INVS: variants seen among roughly 807,000 people sequenced by gnomAD.
INVS encodes inversin.
INVS carries 86 observed loss-of-function variants against 108.8 expected under a neutral mutation model. That is an observed-to-expected ratio of 0.79 (90% CI 0.66 to 0.95). The LOEUF is 0.95. Among genes scored for constraint, INVS ranks in the 40% least tolerant of loss-of-function variants. INVS has a pLI of 0.00. For synonymous variants in INVS, 455 were observed against 473.5 expected (o/e 0.96, Z 0.51); for missense variants, 1,169 against 1,297.4 (o/e 0.90, Z 1.52).
At chr9:100,118,069 C>CTTTT (rs757283860) in intron 2 of INVS, among the ~76,000 whole-genome samples, 2 of 138,024 alleles carry the variant, frequency 1.4e-5, no homozygotes, top group South Asian at 4.6e-4. Context: ...CTTTTTTTTT[C>CTTTT]TTTTTTTTTT....
chr9:100,290,425 C>CGTTG (rs1365858515), intron 13 of INVS, among the ~76,000 whole-genome samples: 1 of 151,836 alleles, frequency 6.6e-6, no homozygotes, highest in Non-Finnish European at 1.5e-5. Flanking sequence ...TCTTGGCTCA[C>CGTTG]CGCAACCTCT....
At chr9:100,211,028 G>A (rs1830815458) in intron 3 of INVS, among the ~76,000 whole-genome samples, 2 of 151,998 alleles carry the variant, frequency 1.3e-5, no homozygotes, top group African/African-American at 2.4e-5. Context: ...GCTACAAAAT[G>A]CAGATTCTTG....
In INVS at chr9:100,292,979, A is replaced by T; in HGVS notation, c.2722A>T (p.Arg908Trp). The T allele has an allele frequency of 1.9e-6, 3 of 1,613,696 alleles. No homozygotes were observed. The highest frequency in any genetic ancestry group is 2.5e-6 in the Non-Finnish European group (3 of 1,179,596). Residue 908 changes from arginine to tryptophan, a missense_variant, in exon 14 of 17, where the codon AGG (arginine) becomes TGG (tryptophan). Arg to Trp is a moderately radical substitution (Grantham distance 101). Around this residue, in one of 3 missense-constraint regions of INVS, gnomAD observed 533 missense variants for 536.0 expected, o/e 0.99. Transcript: ENST00000262457. The stretch of plus-strand genomic sequence containing the variant: ...ACTGCAGATAATTCAGAGAGAACGA[A>T]GGAGGAAGGAGCTGTTTCGCAAAAA... ...LRLQIIQRER[R>W]RKELFRKKNK...
At chr9:100,154,741 A>G (rs760729930) in intron 3 of INVS, among the ~76,000 whole-genome samples, 1 of 151,974 alleles carries the variant, frequency 6.6e-6, no homozygotes, top group African/African-American at 2.4e-5. Flanking sequence ...GGAGAAAAAT[A>G]TTTTCTTATA....
At chr9:100,184,470 T>C (rs1355246669) in intron 3 of INVS, among the ~76,000 whole-genome samples, 3 of 152,208 alleles carry the variant, frequency 2.0e-5, no homozygotes, top group African/African-American at 4.8e-5. Flanking sequence ...TTCGTGTTGA[T>C]GACAAAGTCC....
At chr9:100,163,467 G>T (rs1440393117) in intron 3 of INVS, among the ~76,000 whole-genome samples, 1 of 151,992 alleles carries the variant, frequency 6.6e-6, no homozygotes, top group Non-Finnish European at 1.5e-5. Context: ...TATATATGTG[G>T]GATATAGCAG....
At chr9:100,122,828 C>T (rs1444923248) in intron 2 of INVS, among the ~76,000 whole-genome samples, 1 of 151,900 alleles carries the variant, frequency 6.6e-6, no homozygotes, top group East Asian at 1.9e-4. Context: ...TCATGATTCG[C>T]CCGCCTTGGC....
chr9:100,297,436 A>T lies in INVS; in HGVS notation c.3016+290A>T, dbSNP rs535173220. On this transcript the variant is annotated intron_variant, in intron 15 of 16. Coordinates refer to ENST00000262457, the MANE Select transcript of INVS (RefSeq NM_014425.5). ...AGAGTGCCCTCAAGCTTTACTGTTT[A>T]AACCTCTCCAGACCCCTGCTTGAGT... Among the ~76,000 whole-genome samples the T allele has an allele frequency of 6.6e-5, 10 of 152,212 alleles. No homozygotes were observed. In the East Asian group the frequency reaches 1.9e-3, roughly 30 times the overall value.
chr9:100,131,433 A>C (rs116679148), intron 3 of INVS, among the ~76,000 whole-genome samples: 2,184 of 152,268 alleles, frequency 0.014, 45 homozygotes, highest in African/African-American at 0.05. Context: ...CAAGAAACTG[A>C]AGAAATGGTA....
At chr9:100,207,833 A>C (rs2118276683) in intron 3 of INVS, among the ~76,000 whole-genome samples, 1 of 152,296 alleles carries the variant, frequency 6.6e-6, no homozygotes, top group South Asian at 2.1e-4. Context: ...ATATATGTAA[A>C]GCATAAAATT....
At chr9:100,196,985 C>G (rs1453325787) in intron 3 of INVS, among the ~76,000 whole-genome samples, 1 of 152,122 alleles carries the variant, frequency 6.6e-6, no homozygotes, top group Non-Finnish European at 1.5e-5. Context: ...GCAGTCAGTT[C>G]TGTAGCAGAC....
At chr9:100,284,974 A>T (rs1833395456) in intron 13 of INVS, among the ~76,000 whole-genome samples, 1 of 152,188 alleles carries the variant, frequency 6.6e-6, no homozygotes, top group Non-Finnish European at 1.5e-5. Flanking sequence ...TATAAAACTC[A>T]CAAAGGAAAT....
At chr9:100,284,659 A>G (rs879247452) in intron 13 of INVS, 56 bp downstream of exon 13, 4 of 1,571,652 alleles carry the variant, frequency 2.5e-6, no homozygotes, top group Non-Finnish European at 3.5e-6. Context: ...GGCTTTTTTG[A>G]TTGGTGTATT....
chr9:100,178,043 A>G (rs1829771302), intron 3 of INVS, among the ~76,000 whole-genome samples: 1 of 152,204 alleles, frequency 6.6e-6, no homozygotes, highest in African/African-American at 2.4e-5. Context: ...GGGCCTGACT[A>G]TTAGAAGGAA....
intron 3 of INVS, among the ~76,000 whole-genome samples, chr9:100,160,923 C>G (rs1829149698): frequency 1.4e-5 from 2 of 141,034 alleles, no homozygotes; most frequent in South Asian, 4.7e-4. Flanking sequence ...CCACTACACT[C>G]CAGCCTGGGT....
At chr9:100,231,010 GGTT>G (rs977910786) in intron 5 of INVS, among the ~76,000 whole-genome samples, 3 of 152,074 alleles carry the variant, frequency 2.0e-5, no homozygotes, top group Admixed American at 6.5e-5. Context: ...ATATTTAACT[GGTT>G]GTTATAGGTG....
At chr9:100,293,518 C>G (rs529780159) in intron 14 of INVS, among the ~76,000 whole-genome samples, 29 of 152,230 alleles carry the variant, frequency 1.9e-4, no homozygotes, top group Middle Eastern at 3.4e-3. Flanking sequence ...ATTCTTATGT[C>G]TTTACTACCC....
At chr9:100,177,421 A>G (rs1432725801) in intron 3 of INVS, among the ~76,000 whole-genome samples, 1 of 152,180 alleles carries the variant, frequency 6.6e-6, no homozygotes, top group African/African-American at 2.4e-5. Context: ...TCGACCTGGG[A>G]CACTCTAGCT....
chr9:100,221,686 GA>G (rs534328870), intron 3 of INVS, among the ~76,000 whole-genome samples: 35 of 145,544 alleles, frequency 2.4e-4, no homozygotes, highest in Admixed American at 3.4e-4. Context: ...CTTTCTCAGT[GA>G]AAAAAAAAAA....
Sources: gnomAD v4.1 joint callset for allele counts (sites outside exome capture counted in the v4.1 genomes callset) on GRCh38, gnomAD v4.1.1 for gene constraint, gnomAD v4.1.1 regional missense constraint, MANE v1.5 for transcripts, NCBI Gene and HGNC (gene_info 2026-07-23, HGNC 2026-07-21) for gene names.